The following BRICD5 variants were observed in gnomAD, a reference collection of about 807,000 sequenced individuals.
BRICD5 encodes BRICHOS domain containing 5.
Under a neutral mutation model 28.4 loss-of-function variants are expected in BRICD5, and 51 were observed. That is an observed-to-expected ratio of 1.80 (90% CI 1.43 to 2.27). The LOEUF (loss-of-function observed/expected upper bound fraction) is 2.27. BRICD5 is among the 30% of genes most tolerant of loss of function. BRICD5 has a pLI of 0.00. For missense variants in BRICD5, 456 were observed against 309.6 expected (o/e 1.47, Z -3.55); for synonymous variants, 177 against 130.2 (o/e 1.36, Z -2.44).
At position 2,210,535 on chromosome 16, in the gene BRICD5, T is replaced by C. The variant is rs1452048688; in HGVS notation, c.167A>G (p.Gln56Arg). 2.5e-6 allele frequency: 4 copies of C among 1,610,844 alleles called. No homozygotes were observed. Among genetic ancestry groups the C allele is most frequent in the Non-Finnish European group, 3.4e-6 (4 of 1,178,770 alleles). The change falls in exon 2 of 6, where the codon CAG (glutamine) becomes CGG (arginine). Residue 56 changes from glutamine to arginine, a missense_variant. Coordinates refer to ENST00000328540, the MANE Select transcript of BRICD5 (RefSeq NM_182563.4). The part of the protein sequence containing the change: ...VVAGGLLGSA[Q>R]GPPKPRLQTL... ...GGAGGGGCTCACCTTGGGAGGGCCC[T>C]GAGCAGAGCCAAGAAGCCCTCCAGC...
Position 2,210,050 on chromosome 16 carries a change from C to T in BRICD5, c.338G>A (p.Gly113Asp), listed in dbSNP as rs948799506. Residue 113 changes from glycine to aspartate, a missense_variant and splice_region_variant, in exon 4 of 6, where the codon GGC (glycine) becomes GAC (aspartate). Transcript: ENST00000328540. ...SWAVLFDGQS[G>D]CICYRPEEHQ... ...CTCCTCAGGGCGGTAACAGATGCAG[C>T]CCTGGGGAGGCAGGGGGGTGAGGCG... 1 of 1,599,580 alleles carries T rather than the reference C, an allele frequency of 6.3e-7. No individual in the cohort carries two copies. The highest frequency in any genetic ancestry group is 8.5e-7 in the Non-Finnish European group (1 of 1,172,258).
rs368503908 is a variant in BRICD5 at position 2,210,176 on chromosome 16, T to A, written c.286A>T (p.Thr96Ser). The A allele has an allele frequency of 6.2e-7, 1 of 1,607,212 alleles. No homozygotes were observed. Among genetic ancestry groups the A allele is most frequent in the Non-Finnish European group, 8.5e-7 (1 of 1,178,098 alleles). ...CAGCTGTGGTTGCTCTGAGGTGGGG[T>A]CACTGTGATGGTCGCCGCGTTCCGG... ...VARNAATITV[T>S]PPQSNHSWAV... is the part of the protein sequence containing the mutation. Residue 96 changes from threonine to serine, a missense_variant, in exon 3 of 6, where the codon ACC becomes TCC. Transcript: ENST00000328540.
rs750551396 is a variant in BRICD5, at chr16:2,210,643, G to C, written c.59C>G (p.Thr20Ser). Residue 20 changes from threonine (T) to serine (S), a missense_variant, in exon 2 of 6, where the codon ACC becomes AGC. By Grantham distance (58) the Thr-to-Ser change is moderately conservative. Coordinates refer to ENST00000328540, the MANE Select transcript of BRICD5 (RefSeq NM_182563.4). ...RPKPGPTGVKTKPSCGGWRAV... is the reference protein window; with the variant it reads ...RPKPGPTGVKSKPSCGGWRAV... ...TCTCCAGCCCCCGCAGGAGGGCTTG[G>C]TCTTCACCTGGGCGTGCATCAGGGT... 47 of 1,611,210 alleles carry C rather than the reference G, an allele frequency of 2.9e-5. No homozygotes were observed. Among genetic ancestry groups the C allele is most frequent in the Non-Finnish European group, 3.7e-5 (44 of 1,178,872 alleles).
chr16:2,210,567 C>CCCACAGCGGCCAGCA lies in BRICD5; in HGVS notation c.134_135insTGCTGGCCGCTGTGG (p.Gly45_Val46insAlaGlyArgCysGly), dbSNP rs2093369375. On this transcript the variant is annotated inframe_insertion, in exon 2 of 6. Coordinates refer to ENST00000328540, the MANE Select transcript of BRICD5 (RefSeq NM_182563.4). ...AGCCAAGAAGCCCTCCAGCCACAAC[C>CCCACAGCGGCCAGCA]CCCACAGCGGCCAGCACCAGCAGCA... 1 of 1,612,550 alleles carries CCCACAGCGGCCAGCA rather than the reference C, an allele frequency of 6.2e-7. No individual in the cohort carries two copies. The highest frequency in any genetic ancestry group is 1.1e-5 in the South Asian group (1 of 91,060).
chr16:2,209,654 A>G lies in BRICD5; in HGVS notation c.491T>C (p.Leu164Pro). Reference sequence around the variant, plus strand: ...CACTTCGAGGCTCCCCTGCACTGCCAGCAGCTCCTGGGTGTGGTGGGTGTC... The same window carrying G: ...CACTTCGAGGCTCCCCTGCACTGCCGGCAGCTCCTGGGTGTGGTGGGTGTC... ...SQDTHHTQEL[L>P]AVQGSLEVDP... Residue 164 changes from leucine to proline, a missense_variant, in exon 5 of 6, where the codon CTG becomes CCG. Transcript: ENST00000328540. The G allele has an allele frequency of 6.2e-7, 1 of 1,613,428 alleles. No homozygotes were observed. Among genetic ancestry groups the G allele is most frequent in the African/African-American group, 1.3e-5 (1 of 75,066 alleles).
Position 2,210,276 on chromosome 16 carries a change from C to G in BRICD5, c.186G>C (p.Arg62Ser), listed in dbSNP as rs1369988399. 3.3e-6 allele frequency: 5 copies of G among 1,527,622 alleles called. No individual in the cohort carries two copies. Among genetic ancestry groups the G allele is most frequent in the Non-Finnish European group, 4.4e-6 (5 of 1,135,852 alleles). The allele number at this position is 1,527,622 out of a possible 1,614,324, so 94.6% of individuals were successfully genotyped here. A position where few individuals can be genotyped will look rare whatever the true frequency, so the allele number is the denominator to read the frequency against. Residue 62 changes from arginine to serine, a missense_variant, in exon 3 of 6, where the codon AGG becomes AGC. By Grantham distance (110) the Arg-to-Ser change is moderately radical (BLOSUM62 -1). Coordinates refer to ENST00000328540, the MANE Select transcript of BRICD5 (RefSeq NM_182563.4). ...LGSAQGPPKP[R>S]LQTLRMTLPS... ...GGAGGGTCATTCGCAGCGTCTGCAG[C>G]CTTGGCTGGCAGTGGGAGTTGGAGT...
At position 2,210,490 on chromosome 16, in the gene BRICD5, G is replaced by A. The variant is rs756263236; in HGVS notation, c.180+32C>T. 5 of 1,582,804 alleles carry A rather than the reference G, an allele frequency of 3.2e-6. No homozygotes were observed. The East Asian group carries it at 9.0e-5, about 28-fold the overall frequency. On this transcript the variant is annotated intron_variant, in intron 2 of 5. Transcript: ENST00000328540. Reference sequence around the variant, plus strand: ...CCAGCTTCCCTTCTCCCTTTCCACTGTCCATGTCCCTGGTGCTGAGGAGGG... The same window carrying A: ...CCAGCTTCCCTTCTCCCTTTCCACTATCCATGTCCCTGGTGCTGAGGAGGG...
rs2093370997 is a variant in BRICD5 at position 2,210,785 on chromosome 16, CT to C, written c.48del (p.Val18Ter). The part of the protein sequence containing the change: ...CCAERPKPGP[T>X]GVKTKPSCGG... ...CAGGAGTAACGGGAGGCACTCACCCCTGTAGGCCCAGGTTTGGGGCGCTCAG... is the reference window on the plus strand; with the variant it reads ...CAGGAGTAACGGGAGGCACTCACCCCGTAGGCCCAGGTTTGGGGCGCTCAG... On this transcript the variant is annotated frameshift_variant, in exon 1 of 6. Transcript: ENST00000328540. LOFTEE classifies it high-confidence loss of function. 1.2e-6 allele frequency: 2 copies of C among 1,606,680 alleles called. No homozygotes were observed. Among genetic ancestry groups the C allele is most frequent in the Admixed American group, 1.7e-5 (1 of 60,010 alleles).
Position 2,209,689 on chromosome 16 carries a change from G to A in BRICD5, c.456C>T (p.Val152=), listed in dbSNP as rs747760835. Residue 152 remains valine (V), a synonymous_variant, in exon 5 of 6, where the codon GTC becomes GTT. Transcript: ENST00000328540. ...VDTSKVQEAW[V]PSQDTHHTQE... ...GGGTGTGGTGGGTGTCCTGGCTGGGGACCCAAGCCTCTTGGACCTGTTGAG... is the reference window on the plus strand; with the variant it reads ...GGGTGTGGTGGGTGTCCTGGCTGGGAACCCAAGCCTCTTGGACCTGTTGAG... 1 of 1,611,928 alleles carries A rather than the reference G, an allele frequency of 6.2e-7. No individual in the cohort carries two copies. Among genetic ancestry groups the A allele is most frequent in the East Asian group, 2.2e-5 (1 of 44,844 alleles).
chr16:2,210,053 TG>T lies in BRICD5; in HGVS notation c.337-3del. ...CTCAGGGCGGTAACAGATGCAGCCC[TG>T]GGGAGGCAGGGGGGTGAGGCGGGGC... On this transcript the variant is annotated splice_region_variant and splice_polypyrimidine_tract_variant and intron_variant, in intron 3 of 5. Transcript: ENST00000328540. 1 of 1,600,122 alleles carries T rather than the reference TG, an allele frequency of 6.2e-7. No individual in the cohort carries two copies. Among genetic ancestry groups the T allele is most frequent in the Non-Finnish European group, 8.5e-7 (1 of 1,172,596 alleles).
intron 2 of BRICD5, 90 bp downstream of exon 2, chr16:2,210,432 C>G (rs746801063): frequency 2.4e-5 from 37 of 1,540,026 alleles, no homozygotes; most frequent in Non-Finnish European, 3.1e-5. Context: ...ACTGCCTGCT[C>G]CGCACCCTTG....
At chr16:2,210,403 T>G (rs999936227) in intron 2 of BRICD5, 119 bp downstream of exon 2, 11 of 1,534,176 alleles carry the variant, frequency 7.2e-6, no homozygotes, top group Middle Eastern at 1.8e-4. Context: ...CCTCTGGCTG[T>G]CTGCTCCTAG....
intron 4 of BRICD5, 27 bp downstream of exon 4, chr16:2,209,923 G>A (rs537638124): frequency 4.3e-5 from 64 of 1,490,738 alleles, no homozygotes; most frequent in Middle Eastern, 3.7e-4. Flanking sequence ...CCCCTGGCCC[G>A]GGCCTGCGCC....
chr16:2,210,676 G>C (rs776662421), intron 1 of BRICD5, 26 bp from the exon 2 acceptor site: 3 of 1,610,862 alleles, frequency 1.9e-6, no homozygotes, highest in East Asian at 4.5e-5. Context: ...GGTCAGAAGG[G>C]TCATGAGGGT....
chr16:2,209,491 C>A (rs200139247), intron 5 of BRICD5, 35 bp from the exon 6 acceptor site: 2 of 1,613,062 alleles, frequency 1.2e-6, no homozygotes, highest in Admixed American at 3.3e-5. Context: ...CCAAGGGCTC[C>A]GCCCCCAGCT....
In BRICD5 at chr16:2,210,177, C is replaced by T. The variant is rs763565477; in HGVS notation, c.285G>A (p.Val95=). The T allele has an allele frequency of 3.7e-6, 6 of 1,607,164 alleles. No individual in the cohort carries two copies. The South Asian group carries it at 5.5e-5, about 15-fold the overall frequency. The change falls in exon 3 of 6, where the codon GTG becomes GTA. Residue 95 remains valine, a synonymous_variant. Transcript: ENST00000328540. ...AGCTGTGGTTGCTCTGAGGTGGGGT[C>T]ACTGTGATGGTCGCCGCGTTCCGGG... is the stretch of plus-strand genomic sequence containing the variant. ...DVARNAATIT[V]TPPQSNHSWA...
rs1396908330 is a variant in BRICD5, at chr16:2,209,383, G to A, written c.666C>T (p.Cys222=). ...CFPSNICVSV[C]FYYLPD ...GGGCTCAGTCTGGGAGGTAATAAAA[G>A]CAGACCGACACGCAGATGTTGCTCG... The change falls in exon 6 of 6, where the codon TGC becomes TGT. Residue 222 remains cysteine, a synonymous_variant. Coordinates refer to ENST00000328540, the MANE Select transcript of BRICD5 (RefSeq NM_182563.4). 10 of 1,613,548 alleles carry A rather than the reference G, an allele frequency of 6.2e-6. No individual in the cohort carries two copies. Among genetic ancestry groups the A allele is most frequent in the Admixed American group, 1.7e-5 (1 of 60,024 alleles).
In BRICD5 at chr16:2,210,037, G is replaced by GT. The variant is rs1567285219; in HGVS notation, c.350dup (p.Tyr117Ter). Residue 117 changes from tyrosine to a stop codon, truncating the protein, a stop_gained and frameshift_variant, in exon 4 of 6, where the codon TAC becomes TAAC. Transcript: ENST00000328540. LOFTEE classifies it high-confidence loss of function. ...LFDGQSGCIC[Y>*]RPEEHQVCFL... ...AGCAGACCTGGTGCTCCTCAGGGCGGTAACAGATGCAGCCCTGGGGAGGCA... is the reference window on the plus strand; with the variant it reads ...AGCAGACCTGGTGCTCCTCAGGGCGGTTAACAGATGCAGCCCTGGGGAGGCA... The GT allele has an allele frequency of 4.4e-6, 7 of 1,593,480 alleles. No homozygotes were observed. Among genetic ancestry groups the GT allele is most frequent in the Non-Finnish European group, 6.0e-6 (7 of 1,167,674 alleles).
Position 2,209,398 on chromosome 16 carries a change from G to A in BRICD5, c.651C>T (p.Ile217=), listed in dbSNP as rs1371367405. 1 of 1,613,860 alleles carries A rather than the reference G, an allele frequency of 6.2e-7. No homozygotes were observed. The highest frequency in any genetic ancestry group is 1.3e-5 in the African/African-American group (1 of 75,074). Reference sequence around the variant, plus strand: ...GGTAATAAAAGCAGACCGACACGCAGATGTTGCTCGGGAAGCAGATGTCGA... The same window carrying A: ...GGTAATAAAAGCAGACCGACACGCAAATGTTGCTCGGGAAGCAGATGTCGA... ...LCIDICFPSN[I]CVSVCFYYLP... is the part of the protein sequence containing the mutation. The change falls in exon 6 of 6, where the codon ATC becomes ATT. Residue 217 remains isoleucine, a synonymous_variant. Transcript: ENST00000328540.
Sources: gnomAD v4.1 joint callset for allele counts on GRCh38, gnomAD v4.1.1 for gene constraint, MANE v1.5 for transcripts, NCBI Gene and HGNC (gene_info 2026-07-23, HGNC 2026-07-21) for gene names.